The following TESC variants were observed in gnomAD, a reference collection of about 807,000 sequenced individuals.
TESC encodes calcineurin B homologous protein 3.
Under a neutral mutation model 31.0 loss-of-function variants are expected in TESC, and 19 were observed. The observed-to-expected ratio is 0.61, with a 90% confidence interval of 0.43 to 0.90. The LOEUF (loss-of-function observed/expected upper bound fraction) is 0.90, where lower values mean the gene tolerates loss of function less well. Among genes scored for constraint, TESC ranks in the 40% least tolerant of loss-of-function variants. The pLI is 0.00. For synonymous variants in TESC, 109 were observed against 114.8 expected (o/e 0.95, Z 0.32); for missense variants, 248 against 303.8 (o/e 0.82, Z 1.36).
At chr12:117,045,913 C>A (rs1342787989) in intron 6 of TESC, among the ~76,000 whole-genome samples, 4 of 152,174 alleles carry the variant, frequency 2.6e-5, no homozygotes, top group Non-Finnish European at 4.4e-5. Flanking sequence ...CTGCACCTGT[C>A]CTTACAAGAG....
chr12:117,079,732 G>C (rs11068322), intron 1 of TESC, among the ~76,000 whole-genome samples: 18,545 of 152,060 alleles, frequency 0.12, 1,205 homozygotes, highest in African/African-American at 0.13. Flanking sequence ...GGCTGGAGAG[G>C]GAGAACAGGG....
intron 1 of TESC, among the ~76,000 whole-genome samples, chr12:117,091,929 T>C (rs1394536949): frequency 1.3e-5 from 2 of 152,202 alleles, no homozygotes; most frequent in African/African-American, 2.4e-5. Context: ...GTCCAGAGCA[T>C]GTGGGGTTCT....
Position 117,041,932 on chromosome 12 carries a change from G to A in TESC, c.567+15C>T, listed in dbSNP as rs1216709364. 13 of 1,580,510 alleles carry A rather than the reference G, an allele frequency of 8.2e-6. No homozygotes were observed. In the East Asian group the frequency reaches 9.3e-5, roughly 11 times the overall value. ...TTCAAGGGTCCCCCGAGGCTCCCACGCCCAGGCCACCCACCTTCAGGAAGT... is the reference window on the plus strand; with the variant it reads ...TTCAAGGGTCCCCCGAGGCTCCCACACCCAGGCCACCCACCTTCAGGAAGT... On this transcript the variant is annotated intron_variant, in intron 7 of 7. Transcript: ENST00000335209.
intron 4 of TESC, among the ~76,000 whole-genome samples, chr12:117,047,333 C>T (rs1467241730): frequency 6.6e-6 from 1 of 152,128 alleles, no homozygotes; most frequent in Non-Finnish European, 1.5e-5. Context: ...ATCAGGGAGG[C>T]GATGGCCGGG....
chr12:117,059,603 A>C (rs1954774127), intron 2 of TESC, among the ~76,000 whole-genome samples: 3 of 152,196 alleles, frequency 2.0e-5, no homozygotes, highest in South Asian at 2.1e-4. Flanking sequence ...TCTGTTGCCC[A>C]GGCTGGAGCG....
chr12:117,056,488 G>A (rs2062526), intron 3 of TESC, among the ~76,000 whole-genome samples: 26,071 of 152,004 alleles, frequency 0.17, 2,351 homozygotes, highest in South Asian at 0.29. Flanking sequence ...TCCTCCCACC[G>A]CAGCCTCCCC....
At position 117,046,838 on chromosome 12, in the gene TESC, AC is replaced by A; in HGVS notation, c.350-1del. 1 of 1,567,164 alleles carries A rather than the reference AC, an allele frequency of 6.4e-7. No homozygotes were observed. Among genetic ancestry groups the A allele is most frequent in the Non-Finnish European group, 8.7e-7 (1 of 1,155,586 alleles). Reference sequence around the variant, plus strand: ...GTCCGAGTCGTACATGTGGAACAGAACTAGGGTGGCAGGGGAGAGAGGGGAC... The same window carrying A: ...GTCCGAGTCGTACATGTGGAACAGAATAGGGTGGCAGGGGAGAGAGGGGAC... On this transcript the variant is annotated splice_acceptor_variant, in intron 4 of 7. Coordinates refer to ENST00000335209, the MANE Select transcript of TESC (RefSeq NM_017899.4). LOFTEE classifies it high-confidence loss of function.
intron 1 of TESC, among the ~76,000 whole-genome samples, chr12:117,081,859 G>A (rs776277912): frequency 2.6e-5 from 4 of 151,932 alleles, no homozygotes; most frequent in African/African-American, 4.8e-5. Context: ...AGCCGAGATC[G>A]TGCCACTGCA....
At chr12:117,049,806 C>T (rs61937037) in intron 3 of TESC, among the ~76,000 whole-genome samples, 3 of 148,086 alleles carry the variant, frequency 2.0e-5, no homozygotes, top group South Asian at 2.1e-4. Flanking sequence ...GAGGCTGAGG[C>T]GAGAGAATCG....
At chr12:117,081,489 G>A (rs2135792622) in intron 1 of TESC, among the ~76,000 whole-genome samples, 1 of 152,220 alleles carries the variant, frequency 6.6e-6, no homozygotes, top group Admixed American at 6.5e-5. Flanking sequence ...TTTGTGTTGG[G>A]CAGCGTTGGT....
At chr12:117,089,549 C>T (rs7968436) in intron 1 of TESC, among the ~76,000 whole-genome samples, 1 of 152,080 alleles carries the variant, frequency 6.6e-6, no homozygotes, top group Non-Finnish European at 1.5e-5. Context: ...AAGAACCATA[C>T]CCTATGAAAA....
Position 117,038,943 on chromosome 12 carries a change from T to C in TESC, c.*190A>G. 2 of 559,932 alleles carry C rather than the reference T, an allele frequency of 3.6e-6. No homozygotes were observed. The highest frequency in any genetic ancestry group is 5.7e-5 in the East Asian group (2 of 35,084). 34.7% of individuals were successfully genotyped at this position (559,932 alleles called of 1,614,324 possible). ...CCACATTAATTAACAAACCTTTTTTTTTTTTTTATTGGAGATAAAAACAGC... is the reference window on the plus strand; with the variant it reads ...CCACATTAATTAACAAACCTTTTTTCTTTTTTTATTGGAGATAAAAACAGC... On this transcript the variant is annotated 3_prime_UTR_variant, in exon 8 of 8. Coordinates refer to ENST00000335209, the MANE Select transcript of TESC (RefSeq NM_017899.4).
chr12:117,078,708 T>G (rs995828634), intron 1 of TESC, among the ~76,000 whole-genome samples: 6 of 152,166 alleles, frequency 3.9e-5, no homozygotes, highest in African/African-American at 1.4e-4. Context: ...TACAAATGTG[T>G]TTAAGTAATT....
At position 117,046,619 on chromosome 12, in the gene TESC, G is replaced by C. The variant is rs145576182; in HGVS notation, c.459C>G (p.Ser153=). Residue 153 remains serine (S), a synonymous_variant, in exon 6 of 8, where the codon TCC becomes TCG. Coordinates refer to ENST00000335209, the MANE Select transcript of TESC (RefSeq NM_017899.4). Reference sequence around the variant, plus strand: ...TGGCCCCGTCGGCGATGGAGCGAGCGGACTCCTTCTCGATGTGAGGGTTTC... The same window carrying C: ...TGGCCCCGTCGGCGATGGAGCGAGCCGACTCCTTCTCGATGTGAGGGTTTC... ...LSGNPHIEKE[S]ARSIADGAMM... 1 of 1,551,614 alleles carries C rather than the reference G, an allele frequency of 6.4e-7. No individual in the cohort carries two copies. The highest frequency in any genetic ancestry group is 2.0e-5 in the Admixed American group (1 of 51,044).
At chr12:117,096,674 T>C (rs543571024) in intron 1 of TESC, among the ~76,000 whole-genome samples, 3 of 152,348 alleles carry the variant, frequency 2.0e-5, no homozygotes, top group South Asian at 2.1e-4. Context: ...GTACTATGAC[T>C]ATGCCCATTT....
chr12:117,087,430 G>T (rs2173650), intron 1 of TESC, among the ~76,000 whole-genome samples: 27,147 of 152,118 alleles, frequency 0.18, 2,665 homozygotes, highest in African/African-American at 0.26. Context: ...GATACCAAGG[G>T]TCCTGTTAGG....
intron 1 of TESC, among the ~76,000 whole-genome samples, chr12:117,086,539 C>T (rs1955222081): frequency 6.6e-6 from 1 of 152,164 alleles, no homozygotes; most frequent in East Asian, 1.9e-4. Context: ...TCAAGTGATC[C>T]TCCCTGCCTC....
At chr12:117,070,635 C>T (rs568675565) in intron 2 of TESC, among the ~76,000 whole-genome samples, 2 of 152,262 alleles carry the variant, frequency 1.3e-5, no homozygotes, top group South Asian at 4.2e-4. Flanking sequence ...GGGTTCAAAC[C>T]CCAGCTCCTC....
intron 1 of TESC, among the ~76,000 whole-genome samples, chr12:117,080,794 G>GC (rs1290447680): frequency 6.6e-6 from 1 of 152,074 alleles, no homozygotes; most frequent in South Asian, 2.1e-4. Context: ...CTGACCCTGG[G>GC]CCCCCAACAG....
Sources: gnomAD v4.1 joint callset for allele counts (sites outside exome capture counted in the v4.1 genomes callset) on GRCh38, gnomAD v4.1.1 for gene constraint, MANE v1.5 for transcripts, NCBI Gene and HGNC (gene_info 2026-07-23, HGNC 2026-07-21) for gene names.